The following SNTG1 variants were observed in gnomAD, a reference collection of about 807,000 sequenced individuals.
SNTG1 encodes the protein gamma-1-syntrophin.
Under a neutral mutation model 74.7 loss-of-function variants are expected in SNTG1, and 39 were observed. That is an observed-to-expected ratio of 0.52 (90% CI 0.40 to 0.68). The LOEUF (loss-of-function observed/expected upper bound fraction) is 0.68. Among genes scored for constraint, SNTG1 ranks in the 30% least tolerant of loss-of-function variants. The pLI is 0.00. For synonymous variants in SNTG1, 254 were observed against 217.1 expected, an observed-to-expected ratio of 1.17 and a Z score of -1.49; for missense variants, 685 against 609.5, an observed-to-expected ratio of 1.12 and a Z score of -1.30.
intron 1 of SNTG1, among the ~76,000 whole-genome samples, chr8:49,938,607 C>CTTTTCTTTTTTTTCT (rs60669251): frequency 1.4e-3 from 39 of 27,868 alleles, no homozygotes; most frequent in Admixed American, 3.8e-3. Flanking sequence ...CTTTTCTTTT[C>CTTTTCTTTTTTTTCT]TTTCTTTCTT....
At chr8:50,660,050 A>G (rs1277570118) in intron 15 of SNTG1, among the ~76,000 whole-genome samples, 1 of 151,970 alleles carries the variant, frequency 6.6e-6, no homozygotes, top group Non-Finnish European at 1.5e-5. Flanking sequence ...ATGTTGCCCA[A>G]GCTGGTCTTG....
intron 1 of SNTG1, among the ~76,000 whole-genome samples, chr8:50,041,560 AT>A (rs200562154): frequency 4.6e-5 from 7 of 152,100 alleles, no homozygotes; most frequent in Non-Finnish European, 8.8e-5. Flanking sequence ...GATTGTAAAT[AT>A]TTTTTTTCTT....
chr8:50,112,523 T>TC (rs2080637066), intron 1 of SNTG1, among the ~76,000 whole-genome samples: 3 of 133,582 alleles, frequency 2.2e-5, no homozygotes, highest in South Asian at 5.1e-4. Context: ...TTCTTTTTTT[T>TC]TTTTTTTTTT....
chr8:50,061,648 A>G (rs139425014), intron 1 of SNTG1, among the ~76,000 whole-genome samples: 140 of 152,166 alleles, frequency 9.2e-4, no homozygotes, highest in African/African-American at 3.2e-3. Flanking sequence ...CTGTCTTATT[A>G]CTGTTTAGCT....
At chr8:50,376,465 GA>G (rs1207221738) in intron 2 of SNTG1, among the ~76,000 whole-genome samples, 4 of 151,770 alleles carry the variant, frequency 2.6e-5, no homozygotes, top group Admixed American at 2.6e-4. Flanking sequence ...CATCCTTGAG[GA>G]AAAGTCAGTG....
chr8:50,755,143 G>A (rs916637878), intron 18 of SNTG1, among the ~76,000 whole-genome samples: 1 of 151,868 alleles, frequency 6.6e-6, no homozygotes, highest in African/African-American at 2.4e-5. Flanking sequence ...TCACATTACA[G>A]TTGACTCTTG....
chr8:50,468,743 G>C (rs2093628727), intron 8 of SNTG1, among the ~76,000 whole-genome samples: 2 of 152,004 alleles, frequency 1.3e-5, no homozygotes, highest in South Asian at 2.1e-4. Flanking sequence ...TTTACCTTAA[G>C]CATTTGAGTA....
At position 49,949,293 on chromosome 8, in the gene SNTG1, G is replaced by T. The variant is rs145919320; in HGVS notation, c.-103+37062G>T. Among the ~76,000 whole-genome samples the T allele has an allele frequency of 2.6e-5, 4 of 152,252 alleles. No homozygotes were observed. In the East Asian group the frequency reaches 7.7e-4, roughly 29 times the overall value. On this transcript the variant is annotated intron_variant, in intron 1 of 18. Transcript: ENST00000642720. The stretch of plus-strand genomic sequence containing the variant: ...AATCGATGTCATCATGTGAAAAATG[G>T]TGCTAGCAAACTATTCTATTTTATT...
At chr8:50,079,403 G>T (rs891096393) in intron 1 of SNTG1, among the ~76,000 whole-genome samples, 23 of 143,194 alleles carry the variant, frequency 1.6e-4, no homozygotes, top group African/African-American at 5.9e-4. Context: ...TTTTGATGGG[G>T]TTGTTTGTTT....
intron 4 of SNTG1, among the ~76,000 whole-genome samples, chr8:50,420,495 C>T (rs76622185): frequency 0.045 from 6,816 of 152,036 alleles, 201 homozygotes; most frequent in Middle Eastern, 0.095. Flanking sequence ...AAAAGTATTT[C>T]ATTAAAGGAA....
At position 49,958,796 on chromosome 8, in the gene SNTG1, C is replaced by T. The variant is rs532728838; in HGVS notation, c.-103+46565C>T. Reference sequence around the variant, plus strand: ...ACTCTTAGGCAAAAACAGTATAGCACATAATTACAGATAAATCATTACTGG... The same window carrying T: ...ACTCTTAGGCAAAAACAGTATAGCATATAATTACAGATAAATCATTACTGG... On this transcript the variant is annotated intron_variant, in intron 1 of 18. Transcript: ENST00000642720. Among the ~76,000 whole-genome samples the T allele has an allele frequency of 1.1e-4, 17 of 152,294 alleles. No homozygotes were observed. The East Asian group carries it at 2.9e-3, about 26-fold the overall frequency.
intron 4 of SNTG1, among the ~76,000 whole-genome samples, chr8:50,408,978 T>C (rs1008882501): frequency 6.6e-6 from 1 of 152,134 alleles, no homozygotes; most frequent in African/African-American, 2.4e-5. Flanking sequence ...AACCACAGGC[T>C]GATGAACCTG....
chr8:50,551,242 C>G (rs1232313907), intron 11 of SNTG1, among the ~76,000 whole-genome samples: 1 of 152,054 alleles, frequency 6.6e-6, no homozygotes, highest in South Asian at 2.1e-4. Flanking sequence ...AAGTATTTCA[C>G]TTATGTTCAT....
chr8:50,395,067 G>C (rs988178298), intron 3 of SNTG1, among the ~76,000 whole-genome samples: 1 of 152,078 alleles, frequency 6.6e-6, no homozygotes, highest in Non-Finnish European at 1.5e-5. Context: ...TCTTAACCTT[G>C]TGAAGACTGT....
chr8:50,507,065 C>T (rs2094012906), intron 9 of SNTG1, among the ~76,000 whole-genome samples: 1 of 151,864 alleles, frequency 6.6e-6, no homozygotes, highest in South Asian at 2.1e-4. Context: ...TTTTCTTCAT[C>T]AACTGAGGTG....
At chr8:50,454,714 C>T (rs1026393426) in intron 8 of SNTG1, among the ~76,000 whole-genome samples, 9 of 151,090 alleles carry the variant, frequency 6.0e-5, no homozygotes, top group African/African-American at 1.5e-4. Context: ...TGGTGGCGCA[C>T]GCCTGTAATC....
intron 1 of SNTG1, among the ~76,000 whole-genome samples, chr8:49,914,239 T>G (rs1014590681): frequency 6.6e-6 from 1 of 152,134 alleles, no homozygotes; most frequent in African/African-American, 2.4e-5. Flanking sequence ...AAATCAACAT[T>G]TTATTAAGGG....
chr8:50,230,909 C>T (rs2085589276), intron 2 of SNTG1, among the ~76,000 whole-genome samples: 1 of 150,582 alleles, frequency 6.6e-6, no homozygotes, highest in African/African-American at 2.4e-5. Context: ...AATGTTACAT[C>T]ACAGTAAAAA....
intron 18 of SNTG1, among the ~76,000 whole-genome samples, chr8:50,790,594 G>A (rs1462255841): frequency 6.6e-6 from 1 of 151,828 alleles, no homozygotes; most frequent in African/African-American, 2.4e-5. Flanking sequence ...CACCCTAGGA[G>A]TGGAAATGGT....
Sources: allele counts gnomAD v4.1 joint callset (sites outside exome capture counted in the v4.1 genomes callset), GRCh38; gene constraint gnomAD v4.1.1; transcripts MANE v1.5; gene names NCBI Gene and HGNC (gene_info 2026-07-23, HGNC 2026-07-21).